The following PDK2 variants were observed in gnomAD, a reference collection of about 807,000 sequenced individuals.
The protein encoded by PDK2 is pyruvate dehydrogenase kinase 2, also known as pyruvate dehydrogenase kinase, isozyme 2.
Under a neutral mutation model 50.4 loss-of-function variants are expected in PDK2, and 34 were observed. The observed-to-expected ratio is 0.68, with a 90% confidence interval of 0.51 to 0.90. The LOEUF (loss-of-function observed/expected upper bound fraction) is 0.90. Ranked by LOEUF, PDK2 falls within the 40% of genes least tolerant of loss-of-function variation. PDK2 has a pLI of 0.00. For synonymous variants in PDK2, 232 were observed against 216.0 expected (o/e 1.07, Z -0.65); for missense variants, 377 against 544.5 (o/e 0.69, Z 3.06).
chr17:50,097,613 C>T (rs771709466), intron 2 of PDK2, 49 bp downstream of exon 2: 3 of 1,599,214 alleles, frequency 1.9e-6, no homozygotes, highest in Middle Eastern at 1.7e-4. Flanking sequence ...TCGCCAGTGT[C>T]CCTGGGCTCA....
At chr17:50,098,413 A>G (rs1910057050) in intron 2 of PDK2, 1 of 152,210 alleles carries the variant, frequency 6.6e-6, no homozygotes, top group Non-Finnish European at 1.5e-5. Context: ...ATCTTGAGGG[A>G]AAAATAATAT....
rs1910719629 is a variant in PDK2, at chr17:50,109,671, G to T, written c.1083+271G>T. The stretch of plus-strand genomic sequence containing the variant: ...GACTTGTTAGACCCAGAAGGAAGGG[G>T]ACACCCTAGGTCTTGCCATTCAGTT... On this transcript the variant is annotated intron_variant, in intron 10 of 10. Coordinates refer to ENST00000503176, the MANE Select transcript of PDK2 (RefSeq NM_002611.5). This position sits in a 1 kb window ranked among gnomAD's most constrained non-coding sequence, Gnocchi z 5.0. Among the ~76,000 whole-genome samples, 1 of 152,176 alleles carries T rather than the reference G, an allele frequency of 6.6e-6. No homozygotes were observed. The highest frequency in any genetic ancestry group is 2.4e-5 in the African/African-American group (1 of 41,442).
Position 50,097,465 on chromosome 17 carries a change from G to A in PDK2, c.161G>A (p.Arg54Lys). 8 of 1,613,966 alleles carry A rather than the reference G, an allele frequency of 5.0e-6. No individual in the cohort carries two copies. Among genetic ancestry groups the A allele is most frequent in the Non-Finnish European group, 6.8e-6 (8 of 1,180,000 alleles). Reference sequence around the variant, plus strand: ...GAGAAAACCTCCTTCACCTTCCTCAGGCAGGAGCTGCCTGTGCGCCTGGCC... The same window carrying A: ...GAGAAAACCTCCTTCACCTTCCTCAAGCAGGAGCTGCCTGTGCGCCTGGCC... The part of the protein sequence containing the change: ...ACEKTSFTFL[R>K]QELPVRLANI... Residue 54 changes from arginine (R) to lysine (K), a missense_variant, in exon 2 of 11, where the codon AGG (arginine) becomes AAG (lysine). By Grantham distance (26) the Arg-to-Lys change is conservative (BLOSUM62 2). Around this residue, in one of 3 missense-constraint regions of PDK2, gnomAD observed 100 missense variants for 115.5 expected, o/e 0.87. Transcript: ENST00000503176.
chr17:50,096,497 C>T (rs1470847801), intron 1 of PDK2, among the ~76,000 whole-genome samples: 1 of 152,100 alleles, frequency 6.6e-6, no homozygotes, highest in Non-Finnish European at 1.5e-5. Context: ...AATGATGGGA[C>T]GGGAACAGAG....
In PDK2 at chr17:50,109,450, G is replaced by C; in HGVS notation, c.1083+50G>C. On this transcript the variant is annotated intron_variant, in intron 10 of 10. Coordinates refer to ENST00000503176, the MANE Select transcript of PDK2 (RefSeq NM_002611.5). This position sits in a 1 kb window ranked among gnomAD's most constrained non-coding sequence, Gnocchi z 5.0. ...AGCTGGAGAAGAGCTTTGCTGATAG[G>C]ACCTGGGCAGCCTTGGCCAGCTGCG... The C allele has an allele frequency of 7.8e-7, 1 of 1,284,736 alleles. No individual in the cohort carries two copies. The allele number at this position is 1,284,736 out of a possible 1,614,324, so 79.6% of individuals were successfully genotyped here. A position where few individuals can be genotyped will look rare whatever the true frequency, so the allele number is the denominator to read the frequency against.
rs1200908437 is a variant in PDK2 at position 50,110,358 on chromosome 17, C to G, written c.*261C>G. On this transcript the variant is annotated 3_prime_UTR_variant, in exon 11 of 11. Transcript: ENST00000503176. ...GGATGTCTCCACCCTGATGGGGTGT[C>G]CCAGAGACATTTTCCCATGGCAGTC... The G allele has an allele frequency of 1.4e-5, 5 of 345,306 alleles. No homozygotes were observed. Among genetic ancestry groups the G allele is most frequent in the Non-Finnish European group, 2.6e-5 (5 of 189,246 alleles). The allele number at this position is 345,306 out of a possible 1,614,324, so 21.4% of individuals were successfully genotyped here.
intron 2 of PDK2, among the ~76,000 whole-genome samples, chr17:50,103,373 GC>G (rs1334161083): frequency 6.6e-6 from 1 of 152,198 alleles, no homozygotes; most frequent in African/African-American, 2.4e-5. Context: ...GTGATTCAGA[GC>G]CTACAAGCAG....
At chr17:50,102,896 C>T (rs1191749623) in intron 2 of PDK2, among the ~76,000 whole-genome samples, 21 of 152,106 alleles carry the variant, frequency 1.4e-4, no homozygotes, top group African/African-American at 4.3e-4. Context: ...CCGTTGGCCA[C>T]GTGGTGTAGA....
chr17:50,111,473 CAT>C lies in PDK2; in HGVS notation c.*1379_*1380del, dbSNP rs912281361. On this transcript the variant is annotated 3_prime_UTR_variant, in exon 11 of 11. Transcript: ENST00000503176. ...CAGGCCCAGATGGTGCCAGTGTCCT[CAT>C]ATCTGTTTCCCTCCGAAGCCCCTCT... 4.6e-5 allele frequency: 7 copies of C among 152,338 alleles called. No individual in the cohort carries two copies. The highest frequency in any genetic ancestry group is 7.3e-5 in the Non-Finnish European group (5 of 68,128). The allele number at this position is 152,338 out of a possible 1,614,324, so 9.4% of individuals were successfully genotyped here. A position where few individuals can be genotyped will look rare whatever the true frequency, so the allele number is the denominator to read the frequency against.
chr17:50,107,604 T>C (rs1567714096), intron 6 of PDK2, among the ~76,000 whole-genome samples: 1 of 152,098 alleles, frequency 6.6e-6, no homozygotes, highest in African/African-American at 2.4e-5. Flanking sequence ...ATTGAGTGAA[T>C]GAATGAATGA....
chr17:50,109,346 C>T lies in PDK2; in HGVS notation c.1029C>T (p.Asp343=). ...TCTACGCCAAGTACTTCCAGGGAGA[C>T]CTGCAGCTCTTCTCCATGGAAGGCT... The part of the protein sequence containing the change: ...SRLYAKYFQG[D]LQLFSMEGFG... Residue 343 remains aspartate (D), a synonymous_variant, in exon 10 of 11, where the codon GAC becomes GAT. Transcript: ENST00000503176. The surrounding 1 kb of genome is among the most constrained non-coding windows in gnomAD (Gnocchi z 5.0). 1 of 1,613,788 alleles carries T rather than the reference C, an allele frequency of 6.2e-7. No individual in the cohort carries two copies. The highest frequency in any genetic ancestry group is 8.5e-7 in the Non-Finnish European group (1 of 1,179,880).
intron 1 of PDK2, 62 bp from the exon 2 acceptor site, chr17:50,097,361 C>G (rs534375882): frequency 1.9e-6 from 3 of 1,571,048 alleles, no homozygotes; most frequent in Non-Finnish European, 2.6e-6. Flanking sequence ...CTGACCTGGC[C>G]GAGACATCCT....
At chr17:50,100,248 TC>T (rs1280314700) in intron 2 of PDK2, among the ~76,000 whole-genome samples, 1 of 152,066 alleles carries the variant, frequency 6.6e-6, no homozygotes, top group Admixed American at 6.5e-5. Flanking sequence ...CTAGGCAGAG[TC>T]ACTGGGCAAG....
Position 50,101,649 on chromosome 17 carries a change from C to A in PDK2, c.261-3722C>A, listed in dbSNP as rs183035231. ...ACACACTCCCCCGCTGGCTCAGCACCCCCTCTGCTCCCACACAGGGCTGCA... is the reference window on the plus strand; with the variant it reads ...ACACACTCCCCCGCTGGCTCAGCACACCCTCTGCTCCCACACAGGGCTGCA... On this transcript the variant is annotated intron_variant, in intron 2 of 10. Transcript: ENST00000503176. The surrounding 1 kb of genome is among the most constrained non-coding windows in gnomAD (Gnocchi z 4.2). Among the ~76,000 whole-genome samples, 165 of 152,286 alleles carry A rather than the reference C, an allele frequency of 1.1e-3. No individual in the cohort carries two copies. The highest frequency in any genetic ancestry group is 3.8e-3 in the African/African-American group (158 of 41,554).
intron 5 of PDK2, 50 bp downstream of exon 5, chr17:50,106,933 TC>T (rs1653648743): frequency 6.4e-7 from 1 of 1,552,226 alleles, no homozygotes; most frequent in African/African-American, 1.4e-5. Context: ...CGGGGACCCC[TC>T]CAAGCTTACC....
At chr17:50,099,221 C>A (rs540649774) in intron 2 of PDK2, among the ~76,000 whole-genome samples, 1 of 152,258 alleles carries the variant, frequency 6.6e-6, no homozygotes, top group East Asian at 1.9e-4. Context: ...GGCTGCCTGA[C>A]CTGGCTGCCT....
chr17:50,099,119 C>T (rs1390575583), intron 2 of PDK2, among the ~76,000 whole-genome samples: 1 of 152,168 alleles, frequency 6.6e-6, no homozygotes, highest in Non-Finnish European at 1.5e-5. Context: ...ACCTCTGAGC[C>T]AACCAACACT....
At chr17:50,105,583 A>C (rs1910464043) in intron 3 of PDK2, 141 bp downstream of exon 3, 1 of 740,978 alleles carries the variant, frequency 1.3e-6, no homozygotes, top group Non-Finnish European at 2.2e-6. Flanking sequence ...GGGGAGACAG[A>C]CTCTGCTTCA....
In PDK2 at chr17:50,105,427, A is replaced by G. The variant is rs556540017; in HGVS notation, c.317A>G (p.His106Arg). 1.6e-5 allele frequency: 26 copies of G among 1,613,718 alleles called. No individual in the cohort carries two copies. In the Admixed American group the frequency reaches 4.2e-4, roughly 26 times the overall value. ...TTCCTGGACAAGGATCCCGAGGACC[A>G]TCGCACCCTGAGCCAGTGAGTGGGG... Reference protein sequence around the residue: ...MEFLDKDPEDHRTLSQFTDAL... With the variant: ...MEFLDKDPEDRRTLSQFTDAL... The change falls in exon 3 of 11, where the codon CAT (histidine) becomes CGT (arginine). Residue 106 changes from histidine to arginine, a missense_variant. By Grantham distance (29) the His-to-Arg change is conservative. This residue lies in a region of PDK2 where 63 missense variants were observed against 135.1 expected (regional missense o/e 0.47). Coordinates refer to ENST00000503176, the MANE Select transcript of PDK2 (RefSeq NM_002611.5).
Sources: gnomAD v4.1 joint callset for allele counts (sites outside exome capture counted in the v4.1 genomes callset) on GRCh38, gnomAD v4.1.1 for gene constraint, gnomAD v4.1.1 regional missense constraint, Gnocchi (gnomAD v3.1) non-coding constraint, MANE v1.5 for transcripts, NCBI Gene and HGNC (gene_info 2026-07-23, HGNC 2026-07-21) for gene names.